The following SMAD6 variants were observed in gnomAD, a reference collection of about 807,000 sequenced individuals.
SMAD6 encodes the protein MAD homolog 6.
A neutral mutation model predicts 39.4 loss-of-function variants in SMAD6; 103 were observed. That is an observed-to-expected ratio of 2.62 (90% CI 2.23 to 3.08). The LOEUF (loss-of-function observed/expected upper bound fraction) is 3.08. Among genes scored for constraint, SMAD6 ranks in the 30% most tolerant of loss-of-function variants. The pLI, the probability that SMAD6 is intolerant of heterozygous loss-of-function variation, is 0.00. For missense variants in SMAD6, 1,104 were observed against 742.9 expected, an observed-to-expected ratio of 1.49 and a Z score of -5.65; for synonymous variants, 445 against 353.3, an observed-to-expected ratio of 1.26 and a Z score of -2.91.
rs1252916315 is a variant in SMAD6, at chr15:66,703,433, G to T, written c.175G>T (p.Glu59Ter). 3.9e-6 allele frequency: 5 copies of T among 1,292,830 alleles called. No individual in the cohort carries two copies. Among genetic ancestry groups the T allele is most frequent in the Non-Finnish European group, 3.9e-6 (4 of 1,017,406 alleles). The allele number at this position is 1,292,830 out of a possible 1,614,324, so 80.1% of individuals were successfully genotyped here. The change falls in exon 1 of 4, where the codon GAA (glutamate) becomes TAA (stop). Residue 59 changes from glutamate to a stop codon, truncating the protein, a stop_gained. Coordinates refer to ENST00000288840, the MANE Select transcript of SMAD6 (RefSeq NM_005585.5). LOFTEE classifies it high-confidence loss of function. ...AREGGGCGRS[E>*]VRPVAPRRPR... ...AGAGGGCGGAGGCTGCGGCCGCTCC[G>T]AAGTCCGCCCGGTAGCCCCGCGGCG... is the stretch of plus-strand genomic sequence containing the variant.
At chr15:66,757,275 G>A (rs1306155984) in intron 3 of SMAD6, among the ~76,000 whole-genome samples, 1 of 152,162 alleles carries the variant, frequency 6.6e-6, no homozygotes, top group Non-Finnish European at 1.5e-5. Flanking sequence ...GTGCAGCCCC[G>A]ACGTCTCCCT....
chr15:66,708,435 C>T (rs538898296), intron 1 of SMAD6, among the ~76,000 whole-genome samples: 1 of 152,340 alleles, frequency 6.6e-6, no homozygotes, highest in Non-Finnish European at 1.5e-5. Context: ...CCACAGGGCG[C>T]AGCCATGTGG....
At chr15:66,740,302 C>G (rs1004226337) in intron 3 of SMAD6, 1 of 152,266 alleles carries the variant, frequency 6.6e-6, no homozygotes, top group African/African-American at 2.4e-5. Flanking sequence ...AAGGCTCTTT[C>G]AGGAAGCCTT....
chr15:66,736,287 G>T (rs148006584), intron 3 of SMAD6, among the ~76,000 whole-genome samples: 2 of 152,202 alleles, frequency 1.3e-5, no homozygotes, highest in African/African-American at 2.4e-5. Context: ...GAGTTGTAGC[G>T]TGATGTGTCC....
chr15:66,704,108 GGTCCCC>G, intron 1 of SMAD6, 33 bp downstream of exon 1: 1 of 1,392,874 alleles, frequency 7.2e-7, no homozygotes, highest in Non-Finnish European at 9.3e-7. Flanking sequence ...GGGGGCCCCG[GGTCCCC>G]GTCCCCATCC....
intron 3 of SMAD6, among the ~76,000 whole-genome samples, chr15:66,776,000 G>A (rs1327463698): frequency 6.6e-6 from 1 of 152,214 alleles, no homozygotes; most frequent in Non-Finnish European, 1.5e-5. Flanking sequence ...TGCAGAGCAC[G>A]TCAGCTTGTG....
At chr15:66,752,942 T>C (rs1050918270) in intron 3 of SMAD6, among the ~76,000 whole-genome samples, 9 of 152,198 alleles carry the variant, frequency 5.9e-5, no homozygotes, top group African/African-American at 2.2e-4. Flanking sequence ...GGGGCATCCA[T>C]GGAGAAGGTA....
At chr15:66,749,439 C>G (rs1290711212) in intron 3 of SMAD6, among the ~76,000 whole-genome samples, 1 of 152,116 alleles carries the variant, frequency 6.6e-6, no homozygotes, top group Non-Finnish European at 1.5e-5. Context: ...GCCTGGACAA[C>G]AAGAGCAAAA....
Position 66,716,463 on chromosome 15 carries a change from C to A in SMAD6, c.917C>A (p.Thr306Asn). Residue 306 changes from threonine to asparagine, a missense_variant, in exon 3 of 4, where the codon ACC (threonine) becomes AAC (asparagine). Coordinates refer to ENST00000288840, the MANE Select transcript of SMAD6 (RefSeq NM_005585.5). ...TTGTCTTACACTGAAACGGAGGCTA[C>A]CAACTCCCTCATCACTGCTCCGGGT... is the stretch of plus-strand genomic sequence containing the variant. ...STLSYTETEA[T>N]NSLITAPGEF... 1 of 1,613,870 alleles carries A rather than the reference C, an allele frequency of 6.2e-7. No homozygotes were observed. Among genetic ancestry groups the A allele is most frequent in the Non-Finnish European group, 8.5e-7 (1 of 1,179,690 alleles).
chr15:66,703,793 C>G lies in SMAD6; in HGVS notation c.535C>G (p.Leu179Val). Residue 179 changes from leucine to valine, a missense_variant, in exon 1 of 4, where the codon CTG becomes GTG. Physicochemically the swap from Leu to Val is conservative, Grantham distance 32. Transcript: ENST00000288840. ...EQELKTVTYSLLKRLKERSLD... is the reference protein window; with the variant it reads ...EQELKTVTYSVLKRLKERSLD... ...GGAACTCAAAACCGTCACGTACTCG[C>G]TGCTGAAGCGGCTCAAGGAGCGCTC... 1 of 1,442,708 alleles carries G rather than the reference C, an allele frequency of 6.9e-7. No homozygotes were observed. Among genetic ancestry groups the G allele is most frequent in the Non-Finnish European group, 9.2e-7 (1 of 1,087,600 alleles). 89.4% of individuals were successfully genotyped at this position (1,442,708 alleles called of 1,614,324 possible).
intron 1 of SMAD6, 129 bp from the exon 2 acceptor site, chr15:66,711,539 A>AG (rs1313343362): frequency 1.3e-6 from 1 of 748,270 alleles, no homozygotes; most frequent in East Asian, 2.5e-5. Flanking sequence ...GCAGCAGAGG[A>AG]GGTGGGACAA....
Position 66,703,283 on chromosome 15 carries a change from C to A in SMAD6, c.25C>A (p.Leu9Met). MFRSKRSGLVRRLWRSRVV... is the reference protein window; with the variant it reads MFRSKRSGMVRRLWRSRVV... ...TATGTTCAGGTCCAAACGCTCGGGG[C>A]TGGTGCGGCGACTTTGGCGAAGTCG... The change falls in exon 1 of 4, where the codon CTG becomes ATG. Residue 9 changes from leucine (L) to methionine (M), a missense_variant. Transcript: ENST00000288840. 1 of 1,490,366 alleles carries A rather than the reference C, an allele frequency of 6.7e-7. No homozygotes were observed. Among genetic ancestry groups the A allele is most frequent in the Non-Finnish European group, 8.9e-7 (1 of 1,119,658 alleles). 92.3% of individuals were successfully genotyped at this position (1,490,366 alleles called of 1,614,324 possible). A position where few individuals can be genotyped will look rare whatever the true frequency, so the allele number is the denominator to read the frequency against.
chr15:66,763,030 C>T (rs555771878), intron 3 of SMAD6, among the ~76,000 whole-genome samples: 2 of 152,094 alleles, frequency 1.3e-5, no homozygotes, highest in East Asian at 1.9e-4. Flanking sequence ...GCTTCCTTCA[C>T]GCAGTGGGTA....
rs12050806 is a variant in SMAD6, at chr15:66,718,000, C to T, written c.952+1502C>T. Among the ~76,000 whole-genome samples, 1,180 of 152,144 alleles carry T rather than the reference C, an allele frequency of 7.8e-3. 25 individuals are homozygous for T. In the East Asian group the frequency reaches 0.079, roughly 10 times the overall value. Reference sequence around the variant, plus strand: ...GGGCTTAAAAGTATTTCTGAATTTGCGATTTTGTGTCACTGCCAGCCCTCA... The same window carrying T: ...GGGCTTAAAAGTATTTCTGAATTTGTGATTTTGTGTCACTGCCAGCCCTCA... On this transcript the variant is annotated intron_variant, in intron 3 of 3. Coordinates refer to ENST00000288840, the MANE Select transcript of SMAD6 (RefSeq NM_005585.5).
At chr15:66,736,233 C>G (rs1893710208) in intron 3 of SMAD6, among the ~76,000 whole-genome samples, 1 of 152,052 alleles carries the variant, frequency 6.6e-6, no homozygotes, top group African/African-American at 2.4e-5. Flanking sequence ...ACAGGATGCC[C>G]ATTTATATTT....
chr15:66,760,538 A>T (rs1894180599), intron 3 of SMAD6, among the ~76,000 whole-genome samples: 1 of 152,204 alleles, frequency 6.6e-6, no homozygotes, highest in South Asian at 2.1e-4. Context: ...CCAGTGATTC[A>T]TCCTCATGGC....
chr15:66,764,472 T>C (rs1894256324), intron 3 of SMAD6, among the ~76,000 whole-genome samples: 1 of 152,168 alleles, frequency 6.6e-6, no homozygotes, highest in African/African-American at 2.4e-5. Flanking sequence ...AAAGCGTCCC[T>C]TCCTCCCTAG....
In SMAD6 at chr15:66,782,058, T is replaced by C. The variant is rs569554721; in HGVS notation, c.*523T>C. ...GCTTCAGCGGATTTCTGACCCATCA[T>C]GTACCTTGAAACTTGACCTCAGTTT... is the stretch of plus-strand genomic sequence containing the variant. On this transcript the variant is annotated 3_prime_UTR_variant, in exon 4 of 4. Transcript: ENST00000288840. The C allele has an allele frequency of 2.5e-6, 1 of 397,884 alleles. No homozygotes were observed. The highest frequency in any genetic ancestry group is 2.1e-5 in the African/African-American group (1 of 48,748). The allele number at this position is 397,884 out of a possible 1,614,324, so 24.6% of individuals were successfully genotyped here.
chr15:66,702,963 A>G lies in SMAD6; in HGVS notation c.-296A>G. The stretch of plus-strand genomic sequence containing the variant: ...CGGCGCGCCGCCTGCAGCCCCCCTA[A>G]AGCGCGGGGGCTGGAGTTGTTGAGC... On this transcript the variant is annotated 5_prime_UTR_variant, in exon 1 of 4. Coordinates refer to ENST00000288840, the MANE Select transcript of SMAD6 (RefSeq NM_005585.5). The G allele has an allele frequency of 3.5e-6, 1 of 282,286 alleles. No individual in the cohort carries two copies. Among genetic ancestry groups the G allele is most frequent in the East Asian group, 5.9e-5 (1 of 17,002 alleles). 17.5% of individuals were successfully genotyped at this position (282,286 alleles called of 1,614,324 possible). A position where few individuals can be genotyped will look rare whatever the true frequency, so the allele number is the denominator to read the frequency against.
Sources: allele counts gnomAD v4.1 joint callset (sites outside exome capture counted in the v4.1 genomes callset), GRCh38; gene constraint gnomAD v4.1.1; transcripts MANE v1.5; gene names NCBI Gene and HGNC (gene_info 2026-07-23, HGNC 2026-07-21).